The following FGD4 variants were observed in gnomAD, a reference collection of about 807,000 sequenced individuals.
The protein encoded by FGD4 is FYVE, RhoGEF and PH domain-containing protein 4.
A neutral mutation model predicts 102.0 loss-of-function variants in FGD4; 42 were observed. That is an observed-to-expected ratio of 0.41 (90% CI 0.32 to 0.53). FGD4 has a LOEUF of 0.53. FGD4 is among the 20% of genes least tolerant of loss of function. The pLI is 0.21. For missense variants in FGD4, 902 were observed against 1,078.2 expected, an observed-to-expected ratio of 0.84 and a Z score of 2.29; for synonymous variants, 380 against 375.7, an observed-to-expected ratio of 1.01 and a Z score of -0.13.
intron 1 of FGD4, among the ~76,000 whole-genome samples, chr12:32,408,762 T>G (rs936453381): frequency 9.2e-5 from 14 of 152,230 alleles, no homozygotes; most frequent in African/African-American, 2.9e-4. Flanking sequence ...CAAATAGCAT[T>G]CAGCACCTAT....
Position 32,399,815 on chromosome 12 carries a change from A to T in FGD4, c.22A>T (p.Asn8Tyr). Reference sequence around the variant, plus strand: ...CAGGATGAGCGACGAGGGCGGCTCCAACTTCAGGCGGGTGGCGATCCGGCG... The same window carrying T: ...CAGGATGAGCGACGAGGGCGGCTCCTACTTCAGGCGGGTGGCGATCCGGCG... The part of the protein sequence containing the change: MSDEGGS[N>Y]FRRVAIRRKS... Residue 8 changes from asparagine (N) to tyrosine (Y), a missense_variant, in exon 1 of 17, where the codon AAC becomes TAC. Coordinates refer to ENST00000534526, the MANE Select transcript of FGD4 (RefSeq NM_001370298.3). 2 of 1,531,200 alleles carry T rather than the reference A, an allele frequency of 1.3e-6. No homozygotes were observed. The highest frequency in any genetic ancestry group is 1.7e-6 in the Non-Finnish European group (2 of 1,145,344). The allele number at this position is 1,531,200 out of a possible 1,614,324, so 94.9% of individuals were successfully genotyped here.
At chr12:32,474,942 G>A (rs768098959) in intron 1 of FGD4, among the ~76,000 whole-genome samples, 1 of 152,092 alleles carries the variant, frequency 6.6e-6, no homozygotes, top group Admixed American at 6.6e-5. Context: ...TGATGAAAAG[G>A]TCTAAAATTG....
chr12:32,582,566 G>C lies in FGD4; in HGVS notation c.1011+99G>C. ...TTGCACCCCTGAAATGTATGAATCA[G>C]ATCACCCACACTGGCAGTTAAACGA... On this transcript the variant is annotated intron_variant, in intron 4 of 16. Coordinates refer to ENST00000534526, the MANE Select transcript of FGD4 (RefSeq NM_001370298.3). 6 of 1,491,532 alleles carry C rather than the reference G, an allele frequency of 4.0e-6. No homozygotes were observed. The South Asian group carries it at 5.9e-5, about 15-fold the overall frequency. 92.4% of individuals were successfully genotyped at this position (1,491,532 alleles called of 1,614,324 possible). A position where few individuals can be genotyped will look rare whatever the true frequency, so the allele number is the denominator to read the frequency against.
At chr12:32,601,220 A>T in intron 5 of FGD4, 58 bp from the exon 6 acceptor site, 1 of 1,527,940 alleles carries the variant, frequency 6.5e-7, no homozygotes, top group Non-Finnish European at 9.0e-7. Flanking sequence ...TGCCTAGCAC[A>T]GTGCTAGGTG....
At chr12:32,528,065 A>T (rs553150931) in intron 1 of FGD4, among the ~76,000 whole-genome samples, 54 of 151,812 alleles carry the variant, frequency 3.6e-4, no homozygotes, top group Admixed American at 2.9e-3. Flanking sequence ...CAGCCTCCCA[A>T]GTAGCTGGAA....
In FGD4 at chr12:32,582,046, C is replaced by G; in HGVS notation, c.590C>G (p.Thr197Ser). The G allele has an allele frequency of 2.5e-6, 4 of 1,614,198 alleles. No homozygotes were observed. The highest frequency in any genetic ancestry group is 1.3e-5 in the African/African-American group (1 of 75,036). Reference sequence around the variant, plus strand: ...ACCCCAGGAAGGCATGGATTGACAACCACACCTCAACAAAAACTCCTCTCC... The same window carrying G: ...ACCCCAGGAAGGCATGGATTGACAAGCACACCTCAACAAAAACTCCTCTCC... ...PRTPGRHGLT[T>S]TPQQKLLSQH... Residue 197 changes from threonine to serine, a missense_variant, in exon 4 of 17, where the codon ACC becomes AGC. Around this residue, in one of 2 missense-constraint regions of FGD4, gnomAD observed 443 missense variants for 459.2 expected, o/e 0.96. Coordinates refer to ENST00000534526, the MANE Select transcript of FGD4 (RefSeq NM_001370298.3).
intron 7 of FGD4, among the ~76,000 whole-genome samples, chr12:32,606,600 C>T (rs970715247): frequency 3.3e-5 from 5 of 151,972 alleles, no homozygotes; most frequent in African/African-American, 1.2e-4. Context: ...AGAGCCTGTA[C>T]TTATCAGAGG....
intron 2 of FGD4, among the ~76,000 whole-genome samples, chr12:32,575,220 G>A (rs980980432): frequency 3.9e-5 from 6 of 152,164 alleles, no homozygotes; most frequent in Non-Finnish European, 7.3e-5. Flanking sequence ...GGGAATACCC[G>A]AAGCTGGGTA....
At position 32,494,410 on chromosome 12, in the gene FGD4, G is replaced by A. The variant is rs112858500; in HGVS notation, c.167-69727G>A. 9.3e-3 allele frequency among the ~76,000 whole-genome samples: 1,417 copies of A among 152,184 alleles called. 6 individuals carry two copies. Among genetic ancestry groups the A allele is most frequent in the Middle Eastern group, 0.037 (11 of 294 alleles). ...TGAGGTCTTTTACCCACCTCCAGCC[G>A]TATAATCAGTAAAATATTATTTAGT... On this transcript the variant is annotated intron_variant, in intron 1 of 16. Transcript: ENST00000534526.
chr12:32,399,784 G>C lies in FGD4; in HGVS notation c.-10G>C, dbSNP rs1315691104. On this transcript the variant is annotated 5_prime_UTR_variant, in exon 1 of 17. Transcript: ENST00000534526. The stretch of plus-strand genomic sequence containing the variant: ...GGAGGAGTCGGGGAGCGGCGGTCGA[G>C]CCCGGCAGGATGAGCGACGAGGGCG... The C allele has an allele frequency of 1.1e-5, 17 of 1,529,428 alleles. No homozygotes were observed. Among genetic ancestry groups the C allele is most frequent in the Non-Finnish European group, 7.0e-6 (8 of 1,144,876 alleles). 94.7% of individuals were successfully genotyped at this position (1,529,428 alleles called of 1,614,324 possible).
intron 1 of FGD4, among the ~76,000 whole-genome samples, chr12:32,446,847 C>T (rs1293112305): frequency 1.3e-5 from 2 of 152,108 alleles, no homozygotes; most frequent in Non-Finnish European, 2.9e-5. Context: ...ACAGCGCGTA[C>T]AGGAAGTGAT....
In FGD4 at chr12:32,641,926, A is replaced by G. The variant is rs769228630; in HGVS notation, c.*1393A>G. The G allele has an allele frequency of 7.9e-5, 12 of 152,068 alleles. No homozygotes were observed. Among genetic ancestry groups the G allele is most frequent in the African/African-American group, 2.9e-4 (12 of 41,410 alleles). The allele number at this position is 152,068 out of a possible 1,614,324, so 9.4% of individuals were successfully genotyped here. A position where few individuals can be genotyped will look rare whatever the true frequency, so the allele number is the denominator to read the frequency against. ...TTTTTCTCAAATTAAACCTTTTTTT[A>G]TACTGTCATACCCCAAACATTGTCA... On this transcript the variant is annotated 3_prime_UTR_variant, in exon 17 of 17. Coordinates refer to ENST00000534526, the MANE Select transcript of FGD4 (RefSeq NM_001370298.3).
intron 1 of FGD4, among the ~76,000 whole-genome samples, chr12:32,406,418 G>A (rs1023914010): frequency 6.6e-6 from 1 of 151,854 alleles, no homozygotes; most frequent in Non-Finnish European, 1.5e-5. Flanking sequence ...GCCAGGCGTG[G>A]TGGTGGGCGC....
At chr12:32,582,709 G>A in intron 4 of FGD4, 1 of 546,854 alleles carries the variant, frequency 1.8e-6, no homozygotes, top group Non-Finnish European at 3.2e-6. Flanking sequence ...TCAGAACAGT[G>A]TGGAAACTTT....
chr12:32,572,097 CACAT>C (rs967160315), intron 2 of FGD4, among the ~76,000 whole-genome samples: 1 of 151,880 alleles, frequency 6.6e-6, no homozygotes, highest in African/African-American at 2.4e-5. Flanking sequence ...TTTACACACA[CACAT>C]ACATACACAC....
intron 3 of FGD4, among the ~76,000 whole-genome samples, chr12:32,578,118 G>GAA (rs1230864701): frequency 6.6e-6 from 1 of 152,038 alleles, no homozygotes; most frequent in Non-Finnish European, 1.5e-5. Context: ...TTCATCTAAG[G>GAA]AAAAATGTGC....
intron 6 of FGD4, among the ~76,000 whole-genome samples, chr12:32,601,749 G>A (rs1197927496): frequency 3.3e-5 from 5 of 152,170 alleles, no homozygotes; most frequent in African/African-American, 1.2e-4. Flanking sequence ...ATGAGATAAA[G>A]CACAGGATGT....
intron 1 of FGD4, among the ~76,000 whole-genome samples, chr12:32,432,249 G>A (rs12367488): frequency 0.53 from 80,111 of 150,624 alleles, 22,247 homozygotes; most frequent in African/African-American, 0.7. Context: ...TTTAGTAAAG[G>A]TGGGGTTTCA....
At position 32,464,313 on chromosome 12, in the gene FGD4, C is replaced by T. The variant is rs574301712; in HGVS notation, c.166+64354C>T. The stretch of plus-strand genomic sequence containing the variant: ...GACTACAGGCGCGCACCACTTCGCC[C>T]GGCTAATTTTTTCTGTTTTAGTAGA... On this transcript the variant is annotated intron_variant, in intron 1 of 16. Coordinates refer to ENST00000534526, the MANE Select transcript of FGD4 (RefSeq NM_001370298.3). 7.9e-5 allele frequency among the ~76,000 whole-genome samples: 12 copies of T among 152,154 alleles called. No homozygotes were observed. The South Asian group carries it at 2.3e-3, about 29-fold the overall frequency.
Sources: allele counts gnomAD v4.1 joint callset (sites outside exome capture counted in the v4.1 genomes callset), GRCh38; gene constraint gnomAD v4.1.1; regional missense constraint gnomAD v4.1.1; transcripts MANE v1.5; gene names NCBI Gene and HGNC (gene_info 2026-07-23, HGNC 2026-07-21).